CPPED1: variants seen among roughly 807,000 people sequenced by gnomAD.
CPPED1 encodes calcineurin like phosphoesterase domain containing 1, also known as serine/threonine-protein phosphatase CPPED1.
CPPED1 carries 28 observed loss-of-function variants against 28.0 expected under a neutral mutation model. The ratio of observed to expected loss-of-function variants is 1.00; its 90% CI spans 0.74 to 1.37. The LOEUF is 1.37. Ranked by LOEUF, CPPED1 falls within the 40% of genes most tolerant of loss-of-function variation. CPPED1 has a pLI of 0.00. For missense variants in CPPED1, 504 were observed against 416.5 expected (o/e 1.21, Z -1.83); for synonymous variants, 198 against 180.2 (o/e 1.10, Z -0.79).
At chr16:12,705,338 G>C (rs995786317) in intron 2 of CPPED1, among the ~76,000 whole-genome samples, 24 of 152,164 alleles carry the variant, frequency 1.6e-4, no homozygotes, top group African/African-American at 5.1e-4. Flanking sequence ...TTAAATATTA[G>C]TGGACTGGGT....
rs778279228 is a variant in CPPED1 at position 12,665,019 on chromosome 16, A to G, written c.812T>C (p.Leu271Pro). The change falls in exon 4 of 4, where the codon CTG (leucine) becomes CCG (proline). Residue 271 changes from leucine to proline, a missense_variant. Coordinates refer to ENST00000381774, the MANE Select transcript of CPPED1 (RefSeq NM_018340.3). ...MVVSSAIGCQLGRDPHGLRVV... is the reference protein window; with the variant it reads ...MVVSSAIGCQPGRDPHGLRVV... The stretch of plus-strand genomic sequence containing the variant: ...TCGGAGCCCGTGGGGGTCTCTGCCC[A>G]GCTGGCATCCAATGGCAGATGACAC... 14 of 1,610,020 alleles carry G rather than the reference A, an allele frequency of 8.7e-6. No individual in the cohort carries two copies. In the South Asian group the frequency reaches 1.3e-4, roughly 15 times the overall value.
intron 2 of CPPED1, among the ~76,000 whole-genome samples, chr16:12,776,670 C>T (rs1478274778): frequency 3.9e-5 from 6 of 152,188 alleles, no homozygotes; most frequent in Non-Finnish European, 8.8e-5. Context: ...CCTGTAATCA[C>T]AGCACTTTGG....
chr16:12,700,632 T>C (rs1264825978), intron 3 of CPPED1, among the ~76,000 whole-genome samples: 3 of 152,234 alleles, frequency 2.0e-5, no homozygotes, highest in Non-Finnish European at 4.4e-5. Context: ...CTTCAGGTGA[T>C]CCACCTGCCT....
At chr16:12,727,219 TAGGCATTCTGGCTGGTGGCAAC>T (rs565464112) in intron 2 of CPPED1, among the ~76,000 whole-genome samples, 8 of 152,138 alleles carry the variant, frequency 5.3e-5, no homozygotes, top group Non-Finnish European at 8.8e-5. Flanking sequence ...ATTATCCAGA[TAGGCATTCTGGCTGGTGGCAAC>T]AGGCATTCTG....
chr16:12,803,088 A>C (rs948042104), intron 1 of CPPED1, among the ~76,000 whole-genome samples: 2 of 152,218 alleles, frequency 1.3e-5, no homozygotes, highest in African/African-American at 2.4e-5. Context: ...CGCTTCCAAC[A>C]ACCCTATGAG....
At chr16:12,771,959 C>T (rs535444875) in intron 2 of CPPED1, among the ~76,000 whole-genome samples, 5 of 152,170 alleles carry the variant, frequency 3.3e-5, no homozygotes, top group African/African-American at 1.2e-4. Context: ...CTTGTCTCTA[C>T]TAAAAATACA....
intron 1 of CPPED1, among the ~76,000 whole-genome samples, chr16:12,798,388 T>G (rs914960004): frequency 2.0e-5 from 3 of 152,246 alleles, no homozygotes; most frequent in African/African-American, 7.2e-5. Flanking sequence ...ATCATCCTGT[T>G]AGAATTTTTA....
chr16:12,733,031 G>A (rs1470529997), intron 2 of CPPED1, among the ~76,000 whole-genome samples: 1 of 152,158 alleles, frequency 6.6e-6, no homozygotes, highest in Non-Finnish European at 1.5e-5. Context: ...CCAAAAAGCT[G>A]AGATTGGTTA....
At chr16:12,665,783 G>A (rs911104731) in intron 3 of CPPED1, among the ~76,000 whole-genome samples, 19 of 152,302 alleles carry the variant, frequency 1.2e-4, no homozygotes, top group African/African-American at 4.3e-4. Context: ...AAATTGGCTA[G>A]GCGTGGTGGC....
chr16:12,735,256 G>A (rs1236635311), intron 2 of CPPED1, among the ~76,000 whole-genome samples: 3 of 152,116 alleles, frequency 2.0e-5, no homozygotes, highest in African/African-American at 7.2e-5. Context: ...TGACAATAAA[G>A]TATTTTGCAC....
chr16:12,692,797 G>A (rs951295727), intron 3 of CPPED1, among the ~76,000 whole-genome samples: 4 of 152,234 alleles, frequency 2.6e-5, no homozygotes, highest in African/African-American at 9.6e-5. Context: ...CCATGGAGGA[G>A]TGAGATCAGA....
intron 3 of CPPED1, among the ~76,000 whole-genome samples, chr16:12,698,994 G>T (rs945297069): frequency 6.6e-6 from 1 of 152,130 alleles, no homozygotes; most frequent in African/African-American, 2.4e-5. Context: ...GTCAGTTAAA[G>T]ATCTAGCTTT....
At chr16:12,780,975 C>T (rs2080526888) in intron 2 of CPPED1, 3 of 576,756 alleles carry the variant, frequency 5.2e-6, no homozygotes, top group South Asian at 4.1e-5. Flanking sequence ...TGTAGCTGTG[C>T]CTAATTACTG....
chr16:12,799,448 G>A (rs1246014516), intron 1 of CPPED1, among the ~76,000 whole-genome samples: 2 of 152,126 alleles, frequency 1.3e-5, no homozygotes, highest in Admixed American at 6.6e-5. Context: ...GTTTCGCCAT[G>A]TTGGCCAGAC....
At chr16:12,675,819 T>C (rs1025881795) in intron 3 of CPPED1, among the ~76,000 whole-genome samples, 11 of 152,038 alleles carry the variant, frequency 7.2e-5, no homozygotes, top group African/African-American at 2.7e-4. Context: ...TAGGGAAAAA[T>C]GTGACACAAA....
At chr16:12,717,469 T>A (rs1349817685) in intron 2 of CPPED1, among the ~76,000 whole-genome samples, 2 of 152,184 alleles carry the variant, frequency 1.3e-5, no homozygotes, top group Non-Finnish European at 2.9e-5. Context: ...TTTCACCGTG[T>A]TAGCCAGGAT....
In CPPED1 at chr16:12,721,540, G is replaced by A. The variant is rs139119438; in HGVS notation, c.290-16491C>T. On this transcript the variant is annotated intron_variant, in intron 2 of 3. Coordinates refer to ENST00000381774, the MANE Select transcript of CPPED1 (RefSeq NM_018340.3). ...GGCTGAGGCAGGCGCATCTCCTGAG[G>A]TCAGGAGTTCCAGACCAGCCTGACC... is the stretch of plus-strand genomic sequence containing the variant. Among the ~76,000 whole-genome samples the A allele has an allele frequency of 1.2e-4, 19 of 152,112 alleles. No individual in the cohort carries two copies. The East Asian group carries it at 3.1e-3, about 25-fold the overall frequency.
chr16:12,702,095 C>G (rs1242484779), intron 3 of CPPED1, among the ~76,000 whole-genome samples: 1 of 152,102 alleles, frequency 6.6e-6, no homozygotes, highest in Non-Finnish European at 1.5e-5. Flanking sequence ...TCTCTGGGAG[C>G]TGGGATAATT....
chr16:12,714,208 C>T (rs184259075), intron 2 of CPPED1, among the ~76,000 whole-genome samples: 61 of 152,254 alleles, frequency 4.0e-4, no homozygotes, highest in African/African-American at 1.4e-3. Flanking sequence ...GTTGTTTCTA[C>T]TTTCTGGCTA....
Sources: allele counts gnomAD v4.1 joint callset (sites outside exome capture counted in the v4.1 genomes callset), GRCh38; gene constraint gnomAD v4.1.1; transcripts MANE v1.5; gene names NCBI Gene and HGNC (gene_info 2026-07-23, HGNC 2026-07-21).